Variants in ADAMTS16 observed in about 807,000 individuals in gnomAD.
The protein encoded by ADAMTS16 is A disintegrin and metalloproteinase with thrombospondin motifs 16.
A neutral mutation model predicts 145.8 loss-of-function variants in ADAMTS16; 94 were observed. The ratio of observed to expected loss-of-function variants is 0.64; its 90% confidence interval spans 0.55 to 0.77. The LOEUF is 0.77. Ranked by LOEUF, ADAMTS16 falls within the 30% of genes least tolerant of loss-of-function variation. The pLI, the probability that ADAMTS16 is intolerant of heterozygous loss-of-function variation, is 0.00. For synonymous variants in ADAMTS16, 659 were observed against 604.3 expected (o/e 1.09, Z -1.33); for missense variants, 1,585 against 1,591.5 (o/e 1.00, Z 0.07).
intron 18 of ADAMTS16, among the ~76,000 whole-genome samples, chr5:5,286,898 CT>C (rs1739129502): frequency 6.7e-6 from 1 of 148,594 alleles, no homozygotes; most frequent in South Asian, 2.1e-4. Context: ...TTTTATAACC[CT>C]TTAGTATGTG....
chr5:5,214,991 C>A (rs1736378667), intron 10 of ADAMTS16, among the ~76,000 whole-genome samples: 1 of 152,058 alleles, frequency 6.6e-6, no homozygotes. Context: ...TGGCCCAGTG[C>A]CCAGACCAGC....
intron 22 of ADAMTS16, 150 bp from the exon 23 acceptor site, chr5:5,318,873 A>G (rs1579427671): frequency 1.3e-5 from 8 of 609,998 alleles, no homozygotes; most frequent in Middle Eastern, 4.2e-4. Flanking sequence ...AATAGGTTCC[A>G]CGGGACCCCC....
intron 3 of ADAMTS16, among the ~76,000 whole-genome samples, chr5:5,147,075 G>A (rs1321078645): frequency 6.6e-6 from 1 of 152,174 alleles, no homozygotes; most frequent in Non-Finnish European, 1.5e-5. Context: ...AGGGACGCTA[G>A]AGCCGGGGGC....
chr5:5,257,952 C>G (rs1378999325), intron 17 of ADAMTS16, among the ~76,000 whole-genome samples: 1 of 152,138 alleles, frequency 6.6e-6, no homozygotes, highest in Non-Finnish European at 1.5e-5. Context: ...ACTCAAGAAG[C>G]CACTTGATTG....
chr5:5,287,296 C>T (rs1424269337), intron 18 of ADAMTS16, among the ~76,000 whole-genome samples: 3 of 152,186 alleles, frequency 2.0e-5, no homozygotes, highest in African/African-American at 7.2e-5. Context: ...TGAGTCTCAT[C>T]GTGGTAGCTA....
rs2126540547 is a variant in ADAMTS16 at position 5,317,570 on chromosome 5, C to A, written c.3412-564C>A. On this transcript the variant is annotated intron_variant, in intron 21 of 22. Coordinates refer to ENST00000274181, the MANE Select transcript of ADAMTS16 (RefSeq NM_139056.4). The surrounding 1 kb of genome is among the most constrained non-coding windows in gnomAD (Gnocchi z 4.5). ...CCACCAGGCCCAGCTAATTTTTTTT[C>A]TTTTTTTAATAGAGACGGGGTTTCA... 6.6e-6 allele frequency among the ~76,000 whole-genome samples: 1 copy of A among 151,812 alleles called. No homozygotes were observed. The highest frequency in any genetic ancestry group is 1.5e-5 in the Non-Finnish European group (1 of 67,916).
chr5:5,300,474 A>T (rs1039105411), intron 18 of ADAMTS16, among the ~76,000 whole-genome samples: 8 of 151,988 alleles, frequency 5.3e-5, no homozygotes, highest in African/African-American at 1.7e-4. Flanking sequence ...CAACCCTGAC[A>T]TGTGTATTTT....
At chr5:5,249,463 T>C (rs1165511781) in intron 17 of ADAMTS16, among the ~76,000 whole-genome samples, 2 of 152,006 alleles carry the variant, frequency 1.3e-5, no homozygotes, top group African/African-American at 4.8e-5. Context: ...GGGTGACTCG[T>C]TTACTCAGCC....
chr5:5,305,036 T>A (rs1489212772), intron 20 of ADAMTS16, among the ~76,000 whole-genome samples: 7 of 18,930 alleles, frequency 3.7e-4, no homozygotes, highest in East Asian at 1.8e-3. Flanking sequence ...CACACATCCA[T>A]CCCACACCAC....
At chr5:5,218,862 C>A (rs988252977) in intron 10 of ADAMTS16, among the ~76,000 whole-genome samples, 2 of 152,134 alleles carry the variant, frequency 1.3e-5, no homozygotes, top group Non-Finnish European at 1.5e-5. Context: ...TCCTCTGCCA[C>A]GTCATTCATC....
chr5:5,221,490 C>T (rs1367379562), intron 10 of ADAMTS16, among the ~76,000 whole-genome samples: 2 of 152,020 alleles, frequency 1.3e-5, no homozygotes, highest in East Asian at 1.9e-4. Flanking sequence ...CCAGGGGACT[C>T]GAAAGATCAT....
intron 18 of ADAMTS16, among the ~76,000 whole-genome samples, chr5:5,296,361 G>A (rs960863896): frequency 5.3e-5 from 8 of 152,314 alleles, no homozygotes; most frequent in East Asian, 3.9e-4. Flanking sequence ...GTTTTCCTCC[G>A]GAGGAATCGG....
At chr5:5,236,760 G>A (rs2126379783) in intron 13 of ADAMTS16, among the ~76,000 whole-genome samples, 1 of 150,752 alleles carries the variant, frequency 6.6e-6, no homozygotes, top group South Asian at 2.1e-4. Context: ...GGACACTGTA[G>A]AGTAAAATTT....
In ADAMTS16 at chr5:5,146,273, G is replaced by A. The variant is rs369272938; in HGVS notation, c.319G>A (p.Asp107Asn). ...CCTTCGGCTGAAAGGCTCCAGGCAC[G>A]ACTTCCACATGGATCTGAGGACTTC... ...LHLRLKGSRH[D>N]FHMDLRTSSS... The change falls in exon 3 of 23, where the codon GAC becomes AAC. Residue 107 changes from aspartate to asparagine, a missense_variant. By Grantham distance (23) the Asp-to-Asn change is conservative. Transcript: ENST00000274181. 3.7e-6 allele frequency: 6 copies of A among 1,614,056 alleles called. No homozygotes were observed. Among genetic ancestry groups the A allele is most frequent in the East Asian group, 2.2e-5 (1 of 44,888 alleles).
At chr5:5,173,474 C>CT (rs1223051769) in intron 3 of ADAMTS16, among the ~76,000 whole-genome samples, 52 of 145,640 alleles carry the variant, frequency 3.6e-4, no homozygotes, top group South Asian at 1.1e-3. Flanking sequence ...TAACTCATTA[C>CT]TTTTTTTTTT....
intron 18 of ADAMTS16, among the ~76,000 whole-genome samples, chr5:5,282,568 A>G (rs1157572328): frequency 1.3e-5 from 2 of 151,910 alleles, no homozygotes; most frequent in African/African-American, 4.8e-5. Context: ...TCTCCTCCCC[A>G]CTGTTTCATC....
intron 16 of ADAMTS16, among the ~76,000 whole-genome samples, chr5:5,241,030 T>G (rs1434690345): frequency 6.6e-6 from 1 of 151,912 alleles, no homozygotes; most frequent in Admixed American, 6.6e-5. Flanking sequence ...CTGGAGAGTA[T>G]CTCAATGGCC....
At chr5:5,305,079 A>C in intron 20 of ADAMTS16, among the ~76,000 whole-genome samples, 2 of 62,070 alleles carry the variant, frequency 3.2e-5, no homozygotes, top group African/African-American at 6.7e-5. Context: ...ACACACACAC[A>C]CATCCCACAC....
At chr5:5,172,391 CTT>C (rs1735065627) in intron 3 of ADAMTS16, among the ~76,000 whole-genome samples, 2 of 151,894 alleles carry the variant, frequency 1.3e-5, no homozygotes, top group South Asian at 4.1e-4. Context: ...TACCTATAAA[CTT>C]TTCTTTTAGT....
Sources: gnomAD v4.1 joint callset for allele counts (sites outside exome capture counted in the v4.1 genomes callset) on GRCh38, gnomAD v4.1.1 for gene constraint, Gnocchi (gnomAD v3.1) non-coding constraint, MANE v1.5 for transcripts, NCBI Gene and HGNC (gene_info 2026-07-23, HGNC 2026-07-21) for gene names.